Variants in FGF14 observed in about 807,000 individuals in gnomAD.
The protein encoded by FGF14 is fibroblast growth factor 14, also known as fibroblast growth factor homologous factor 4.
A neutral mutation model predicts 25.5 loss-of-function variants in FGF14; 5 were observed. That is an observed-to-expected ratio of 0.20 (90% CI 0.10 to 0.41). The LOEUF (loss-of-function observed/expected upper bound fraction) is 0.41. Among genes scored for constraint, FGF14 ranks in the 10% least tolerant of loss-of-function variants. The probability of loss-of-function intolerance (pLI) is 1.00; values close to 1 mark genes in which losing one functional copy is unlikely to be tolerated. For synonymous variants in FGF14, 138 were observed against 118.3 expected, an observed-to-expected ratio of 1.17 and a Z score of -1.08; for missense variants, 222 against 320.1, an observed-to-expected ratio of 0.69 and a Z score of 2.34.
chr13:101,749,753 A>G (rs1208111468), intron 3 of FGF14, among the ~76,000 whole-genome samples: 2 of 152,140 alleles, frequency 1.3e-5, no homozygotes, highest in East Asian at 3.9e-4. Flanking sequence ...TGGACTTTGA[A>G]AAATACAGTC....
At chr13:102,246,091 A>G (rs1159562042) in intron 1 of FGF14, among the ~76,000 whole-genome samples, 1 of 152,078 alleles carries the variant, frequency 6.6e-6, no homozygotes, top group Non-Finnish European at 1.5e-5. Flanking sequence ...AAAGAAGTGA[A>G]GCACAGAAAG....
At chr13:102,395,686 A>G (rs2058563965) in intron 1 of FGF14, 3 of 152,196 alleles carry the variant, frequency 2.0e-5, no homozygotes, top group African/African-American at 7.2e-5. Flanking sequence ...CTATTTTATT[A>G]AAGTGTATTG....
intron 1 of FGF14, among the ~76,000 whole-genome samples, chr13:101,956,067 T>C (rs1469958410): frequency 6.6e-6 from 1 of 152,138 alleles, no homozygotes; most frequent in Non-Finnish European, 1.5e-5. Context: ...TCTATAAAAA[T>C]ATTGTCACTT....
intron 1 of FGF14, among the ~76,000 whole-genome samples, chr13:102,087,084 G>A (rs1292657382): frequency 6.6e-6 from 1 of 152,202 alleles, no homozygotes; most frequent in Non-Finnish European, 1.5e-5. Context: ...GGAACACAGA[G>A]ATCCAAAAAT....
chr13:102,040,626 A>C (rs1220692272), intron 1 of FGF14, among the ~76,000 whole-genome samples: 1 of 152,166 alleles, frequency 6.6e-6, no homozygotes, highest in African/African-American at 2.4e-5. Context: ...AATTGGATGG[A>C]TATTTGTTGG....
chr13:101,861,994 C>T, intron 3 of FGF14, among the ~76,000 whole-genome samples: 1 of 152,046 alleles, frequency 6.6e-6, no homozygotes, highest in East Asian at 1.9e-4. Context: ...GCAAACACAG[C>T]CATCACTCTA....
chr13:101,796,284 C>T (rs527667320), intron 3 of FGF14, among the ~76,000 whole-genome samples: 8 of 152,136 alleles, frequency 5.3e-5, no homozygotes, highest in South Asian at 2.1e-4. Context: ...ATAACGCCTT[C>T]GATAAAACAC....
At chr13:102,174,791 G>A (rs1121420) in intron 1 of FGF14, among the ~76,000 whole-genome samples, 19,319 of 151,960 alleles carry the variant, frequency 0.13, 1,240 homozygotes, top group East Asian at 0.15. Flanking sequence ...GGGAGGGGGA[G>A]TGGATTAAAA....
intron 1 of FGF14, among the ~76,000 whole-genome samples, chr13:102,020,608 T>C (rs1024822734): frequency 1.3e-5 from 2 of 151,820 alleles, no homozygotes; most frequent in African/African-American, 4.8e-5. Context: ...AGAGCAGAAA[T>C]GTCAGACAAA....
intron 1 of FGF14, among the ~76,000 whole-genome samples, chr13:102,137,654 AT>A (rs1028854143): frequency 1.3e-5 from 2 of 152,058 alleles, no homozygotes; most frequent in African/African-American, 4.8e-5. Context: ...ATAACTCCTC[AT>A]TTTACTCTCA....
chr13:101,733,789 A>AG, intron 3 of FGF14, among the ~76,000 whole-genome samples: 1 of 151,940 alleles, frequency 6.6e-6, no homozygotes, highest in East Asian at 1.9e-4. Context: ...GGCAGTAAAA[A>AG]TATTTCTCAA....
chr13:102,219,305 A>C (rs2050508482), intron 1 of FGF14, among the ~76,000 whole-genome samples: 2 of 152,052 alleles, frequency 1.3e-5, no homozygotes, highest in Admixed American at 1.3e-4. Flanking sequence ...TTGCCTGCTT[A>C]CATGGAGGTG....
At chr13:102,359,902 AT>A (rs1041045660) in intron 1 of FGF14, among the ~76,000 whole-genome samples, 4 of 152,022 alleles carry the variant, frequency 2.6e-5, no homozygotes, top group Non-Finnish European at 5.9e-5. Flanking sequence ...TGTGTTTACA[AT>A]TTTTTTCTAA....
intron 3 of FGF14, among the ~76,000 whole-genome samples, chr13:101,798,627 A>G (rs983438210): frequency 6.6e-6 from 1 of 152,152 alleles, no homozygotes; most frequent in African/African-American, 2.4e-5. Flanking sequence ...AGGTTAATGA[A>G]GAATCTTGCT....
chr13:102,148,207 CT>C (rs2046934103), intron 1 of FGF14, among the ~76,000 whole-genome samples: 1 of 151,982 alleles, frequency 6.6e-6, no homozygotes, highest in South Asian at 2.1e-4. Context: ...TTCAATGTAA[CT>C]TGGGGGGAAA....
intron 1 of FGF14, among the ~76,000 whole-genome samples, chr13:102,205,168 T>G (rs2049847978): frequency 6.6e-6 from 1 of 152,190 alleles, no homozygotes; most frequent in South Asian, 2.1e-4. Context: ...TACATGGCAT[T>G]AGGTGTGTAT....
chr13:102,327,934 T>C (rs2056511915), intron 1 of FGF14, among the ~76,000 whole-genome samples: 2 of 145,722 alleles, frequency 1.4e-5, no homozygotes, highest in African/African-American at 5.1e-5. Flanking sequence ...AATAAATAAA[T>C]GGTTTATAAG....
intron 1 of FGF14, 21 bp downstream of exon 1, chr13:101,916,432 C>A: frequency 6.2e-7 from 1 of 1,613,808 alleles, no homozygotes; most frequent in Middle Eastern, 1.6e-4. Context: ...GGCGCATCTC[C>A]CGACCATGAC....
At chr13:102,209,883 C>A (rs73565575) in intron 1 of FGF14, among the ~76,000 whole-genome samples, 114 of 152,154 alleles carry the variant, frequency 7.5e-4, no homozygotes, top group African/African-American at 2.6e-3. Flanking sequence ...ACAAATATAT[C>A]TTTTTCTCAT....
Sources: allele counts gnomAD v4.1 joint callset (sites outside exome capture counted in the v4.1 genomes callset), GRCh38; gene constraint gnomAD v4.1.1; transcripts MANE v1.5; gene names NCBI Gene and HGNC (gene_info 2026-07-23, HGNC 2026-07-21).